The following DMXL2 variants were observed in gnomAD, a reference collection of about 807,000 sequenced individuals.
DMXL2 encodes the protein dmX-like protein 2.
A neutral mutation model predicts 331.1 loss-of-function variants in DMXL2; 103 were observed. The ratio of observed to expected loss-of-function variants is 0.31; its 90% confidence interval spans 0.27 to 0.37. The LOEUF is 0.37. DMXL2 is among the 10% of genes least tolerant of loss of function. The pLI, the probability that DMXL2 is intolerant of heterozygous loss-of-function variation, is 1.00. For synonymous variants in DMXL2, 1,281 were observed against 1,252.1 expected, an observed-to-expected ratio of 1.02 and a Z score of -0.49; for missense variants, 3,171 against 3,642.9, an observed-to-expected ratio of 0.87 and a Z score of 3.33.
intron 37 of DMXL2, 135 bp downstream of exon 37, chr15:51,457,193 A>ATGTC: frequency 1.1e-6 from 1 of 942,432 alleles, no homozygotes; most frequent in Non-Finnish European, 1.5e-6. Flanking sequence ...GCCACAATAA[A>ATGTC]TGTCAGCTGT....
chr15:51,549,367 T>C (rs1567103372), intron 6 of DMXL2, among the ~76,000 whole-genome samples: 2 of 152,146 alleles, frequency 1.3e-5, no homozygotes, highest in East Asian at 1.9e-4. Context: ...CATTGACTGA[T>C]GGGCATTTGG....
intron 6 of DMXL2, among the ~76,000 whole-genome samples, chr15:51,557,177 T>G (rs2141002495): frequency 6.6e-6 from 1 of 152,326 alleles, no homozygotes; most frequent in African/African-American, 2.4e-5. Flanking sequence ...TTATTAGAAT[T>G]AATGAGTTTA....
At chr15:51,506,532 C>T (rs868796989) in intron 16 of DMXL2, among the ~76,000 whole-genome samples, 1 of 149,790 alleles carries the variant, frequency 6.7e-6, no homozygotes, top group African/African-American at 2.5e-5. Context: ...CAGCTCACTG[C>T]AACCTCTGCC....
At chr15:51,558,791 T>C (rs2049767242) in intron 6 of DMXL2, among the ~76,000 whole-genome samples, 1 of 152,242 alleles carries the variant, frequency 6.6e-6, no homozygotes, top group Non-Finnish European at 1.5e-5. Context: ...GAAATTTTAA[T>C]TCCACATACA....
In DMXL2 at chr15:51,498,818, G is replaced by A; in HGVS notation, c.4406C>T (p.Ser1469Leu). Residue 1469 changes from serine (S) to leucine (L), a missense_variant, in exon 18 of 44, where the codon TCA (serine) becomes TTA (leucine). Ser to Leu is a moderately radical substitution (Grantham distance 145). Transcript: ENST00000560891. ...TATATCCTGGATTTGAAACAGCTCT[G>A]AATACTGATCCTCTGGTTGACTTAC... The part of the protein sequence containing the change: ...QTVSQPEDQY[S>L]ELFQIQDIPT... 1 of 1,614,138 alleles carries A rather than the reference G, an allele frequency of 6.2e-7. No individual in the cohort carries two copies. Among genetic ancestry groups the A allele is most frequent in the Non-Finnish European group, 8.5e-7 (1 of 1,180,006 alleles).
intron 19 of DMXL2, among the ~76,000 whole-genome samples, chr15:51,492,621 C>A (rs921162502): frequency 6.6e-6 from 1 of 152,094 alleles, no homozygotes; most frequent in African/African-American, 2.4e-5. Flanking sequence ...TTACTGATAA[C>A]GCTCTTACTG....
Position 51,522,004 on chromosome 15 carries a change from CTTTA to C in DMXL2, c.2437-4841_2437-4838del, listed in dbSNP as rs573065980. On this transcript the variant is annotated intron_variant, in intron 13 of 43. Coordinates refer to ENST00000560891, the MANE Select transcript of DMXL2 (RefSeq NM_001378457.1). Reference sequence around the variant, plus strand: ...ACCCTATCTTTCATCATGACTTCTCCTTTATTTATTTGTAGAATACCTTAGTAAG... The same window carrying C: ...ACCCTATCTTTCATCATGACTTCTCCTTTATTTGTAGAATACCTTAGTAAG... Among the ~76,000 whole-genome samples, 1,010 of 152,264 alleles carry C rather than the reference CTTTA, an allele frequency of 6.6e-3. 7 individuals carry two copies. Among genetic ancestry groups the C allele is most frequent in the Middle Eastern group, 0.02 (6 of 294 alleles).
At chr15:51,582,072 T>G (rs1392624149) in intron 1 of DMXL2, among the ~76,000 whole-genome samples, 1 of 152,172 alleles carries the variant, frequency 6.6e-6, no homozygotes, top group Non-Finnish European at 1.5e-5. Context: ...TACATTTTAT[T>G]AAGAGTTAGA....
intron 13 of DMXL2, among the ~76,000 whole-genome samples, chr15:51,521,086 T>A (rs963419016): frequency 6.6e-6 from 1 of 151,886 alleles, no homozygotes; most frequent in Non-Finnish European, 1.5e-5. Context: ...TATATAATAT[T>A]TAATTAAGTT....
chr15:51,609,930 T>TAA (rs35412082), intron 1 of DMXL2, among the ~76,000 whole-genome samples: 21 of 100,082 alleles, frequency 2.1e-4, no homozygotes, highest in South Asian at 9.5e-4. Flanking sequence ...AAGTCAGTCT[T>TAA]AAAAAAAAAA....
chr15:51,612,845 C>G (rs1339234391), intron 1 of DMXL2, among the ~76,000 whole-genome samples: 1 of 152,126 alleles, frequency 6.6e-6, no homozygotes, highest in Non-Finnish European at 1.5e-5. Context: ...TAAGGGAGAC[C>G]AGGGCTTATT....
At chr15:51,503,205 C>T (rs543216733) in intron 16 of DMXL2, among the ~76,000 whole-genome samples, 172 bp from the exon 17 acceptor site, 3 of 152,244 alleles carry the variant, frequency 2.0e-5, no homozygotes, top group South Asian at 4.1e-4. Flanking sequence ...TATGACTCAG[C>T]AATCTCACTA....
intron 1 of DMXL2, among the ~76,000 whole-genome samples, chr15:51,615,894 G>A (rs958306259): frequency 1.3e-5 from 2 of 152,166 alleles, no homozygotes; most frequent in Non-Finnish European, 2.9e-5. Context: ...GTCTAAGCCA[G>A]AATGTTTATG....
chr15:51,486,412 CT>C, intron 22 of DMXL2, 75 bp from the exon 23 acceptor site: 1 of 1,099,332 alleles, frequency 9.1e-7, no homozygotes, highest in Middle Eastern at 3.1e-4. Flanking sequence ...CATCAATACC[CT>C]GAAATTATCT....
chr15:51,461,610 G>A (rs575080713), intron 33 of DMXL2, among the ~76,000 whole-genome samples: 1 of 152,254 alleles, frequency 6.6e-6, no homozygotes, highest in South Asian at 2.1e-4. Flanking sequence ...GTGCAGTGGT[G>A]TGTGATCTCA....
chr15:51,498,426 T>C, intron 18 of DMXL2, 126 bp downstream of exon 18: 2 of 869,934 alleles, frequency 2.3e-6, no homozygotes, highest in Non-Finnish European at 3.5e-6. Flanking sequence ...TAATTACCTA[T>C]TAAGGAGGTC....
At chr15:51,468,992 T>C (rs1048014917) in intron 29 of DMXL2, among the ~76,000 whole-genome samples, 2 of 152,016 alleles carry the variant, frequency 1.3e-5, no homozygotes, top group Non-Finnish European at 1.5e-5. Context: ...GTGGAGCCTA[T>C]AGATTAAAAG....
intron 6 of DMXL2, among the ~76,000 whole-genome samples, chr15:51,549,324 G>GTATA (rs143392747): frequency 2.9e-3 from 442 of 151,338 alleles, no homozygotes; most frequent in African/African-American, 9.4e-3. Flanking sequence ...TCCATGGTGT[G>GTATA]TATATATATA....
At chr15:51,498,200 G>A (rs964259619) in intron 18 of DMXL2, among the ~76,000 whole-genome samples, 1 of 151,942 alleles carries the variant, frequency 6.6e-6, no homozygotes, top group African/African-American at 2.4e-5. Flanking sequence ...TGACTGCACC[G>A]CTCAACTCCA....
Sources: gnomAD v4.1 joint callset for allele counts (sites outside exome capture counted in the v4.1 genomes callset) on GRCh38, gnomAD v4.1.1 for gene constraint, MANE v1.5 for transcripts, NCBI Gene and HGNC (gene_info 2026-07-23, HGNC 2026-07-21) for gene names.